Variants in PDE1A observed in about 807,000 individuals in gnomAD.
PDE1A encodes phosphodiesterase 1A, also known as dual specificity calcium/calmodulin-dependent 3',5'-cyclic nucleotide phosphodiesterase 1A.
PDE1A carries 35 observed loss-of-function variants against 61.7 expected under a neutral mutation model. The ratio of observed to expected loss-of-function variants is 0.57; its 90% CI spans 0.43 to 0.75. The LOEUF (loss-of-function observed/expected upper bound fraction) is 0.75. PDE1A is among the 30% of genes least tolerant of loss of function. The pLI is 0.00. For synonymous variants in PDE1A, 232 were observed against 213.2 expected (o/e 1.09, Z -0.77); for missense variants, 597 against 630.6 (o/e 0.95, Z 0.57).
chr2:182,602,052 C>T, the PDE1A span, among the ~76,000 whole-genome samples: 56,946 of 152,172 alleles, frequency 0.37, 10,884 homozygotes, highest in African/African-American at 0.46. Flanking sequence ...AATCTGCCTG[C>T]CTCCTGCTGC....
chr2:182,185,872 G>C lies in PDE1A; in HGVS notation c.1516+20C>G, dbSNP rs1413349019. The C allele has an allele frequency of 6.2e-7, 1 of 1,613,290 alleles. No individual in the cohort carries two copies. Among genetic ancestry groups the C allele is most frequent in the African/African-American group, 1.3e-5 (1 of 75,020 alleles). ...TGAAGACAGAGAGAGATGGCAGTAAGGCCTCATAAACAACACTACCTTGTG... is the reference window on the plus strand; with the variant it reads ...TGAAGACAGAGAGAGATGGCAGTAACGCCTCATAAACAACACTACCTTGTG... On this transcript the variant is annotated intron_variant, in intron 13 of 13. Transcript: ENST00000351439.
intron 2 of PDE1A, among the ~76,000 whole-genome samples, chr2:182,513,731 C>T (rs1406549850): frequency 6.6e-6 from 1 of 152,030 alleles, no homozygotes; most frequent in Non-Finnish European, 1.5e-5. Context: ...ACCATAGGCT[C>T]AAAGTAAAGG....
chr2:182,423,756 G>A (rs1045813035), intron 1 of PDE1A, among the ~76,000 whole-genome samples: 2 of 151,978 alleles, frequency 1.3e-5, no homozygotes, highest in Non-Finnish European at 2.9e-5. Context: ...GGGCACATAA[G>A]TATTTTTCTC....
intron 1 of PDE1A, among the ~76,000 whole-genome samples, chr2:182,415,589 A>G (rs186715802): frequency 6.6e-6 from 1 of 152,304 alleles, no homozygotes; most frequent in East Asian, 1.9e-4. Flanking sequence ...TCTTCTGTTT[A>G]GAAACACTTT....
the PDE1A span, among the ~76,000 whole-genome samples, chr2:182,711,547 C>G: frequency 6.6e-6 from 1 of 151,334 alleles, no homozygotes; most frequent in African/African-American, 2.4e-5. Context: ...CTGGAAGCAA[C>G]AGCAGCCCCA....
At chr2:182,474,118 G>A (rs932586908) in intron 2 of PDE1A, among the ~76,000 whole-genome samples, 5 of 151,692 alleles carry the variant, frequency 3.3e-5, no homozygotes, top group Non-Finnish European at 7.4e-5. Context: ...GTATATAAGC[G>A]TTCTTTAAAT....
chr2:182,457,646 T>A (rs962514440), intron 2 of PDE1A, among the ~76,000 whole-genome samples: 2 of 152,004 alleles, frequency 1.3e-5, no homozygotes, highest in African/African-American at 4.8e-5. Context: ...CTGGCAAACC[T>A]CAAAATAGAA....
intron 1 of PDE1A, among the ~76,000 whole-genome samples, chr2:182,271,744 T>C (rs1693041549): frequency 6.6e-6 from 1 of 152,148 alleles, no homozygotes; most frequent in South Asian, 2.1e-4. Flanking sequence ...AATTTTTATA[T>C]TGTTCAAAAA....
At chr2:182,435,854 GC>G in intron 2 of PDE1A, among the ~76,000 whole-genome samples, 1 of 152,144 alleles carries the variant, frequency 6.6e-6, no homozygotes, top group South Asian at 2.1e-4. Context: ...GTCTGCTTAA[GC>G]TTTCAGTAAT....
intron 1 of PDE1A, among the ~76,000 whole-genome samples, chr2:182,329,642 C>T (rs1697273472): frequency 6.6e-6 from 1 of 152,160 alleles, no homozygotes. Context: ...CCACTGGCCT[C>T]AGCCTCCCAA....
the PDE1A span, among the ~76,000 whole-genome samples, chr2:182,637,670 C>T: frequency 2.6e-5 from 4 of 152,128 alleles, no homozygotes; most frequent in Admixed American, 2.0e-4. Context: ...ACCCGTAATT[C>T]CTGCACTTTG....
the PDE1A span, among the ~76,000 whole-genome samples, chr2:182,644,014 CT>C: frequency 6.6e-6 from 1 of 151,574 alleles, no homozygotes; most frequent in Non-Finnish European, 1.5e-5. Flanking sequence ...TAAGTTTTCC[CT>C]TTTTTTAATT....
At chr2:182,507,988 G>A (rs1559525438) in intron 2 of PDE1A, among the ~76,000 whole-genome samples, 1 of 152,008 alleles carries the variant, frequency 6.6e-6, no homozygotes, top group Admixed American at 6.6e-5. Flanking sequence ...GAAATAAACA[G>A]AAGAAAGACT....
the PDE1A span, among the ~76,000 whole-genome samples, chr2:182,651,257 T>C: frequency 6.6e-6 from 1 of 152,192 alleles, no homozygotes; most frequent in Non-Finnish European, 1.5e-5. Context: ...TCCACCCGCC[T>C]TGGCCTCCCA....
chr2:182,665,582 C>T, the PDE1A span, among the ~76,000 whole-genome samples: 1 of 152,022 alleles, frequency 6.6e-6, no homozygotes, highest in African/African-American at 2.4e-5. Flanking sequence ...GCTTGTGAGG[C>T]TGTGGAGAAA....
the PDE1A span, among the ~76,000 whole-genome samples, chr2:182,593,566 G>C: frequency 1.3e-5 from 2 of 152,182 alleles, no homozygotes; most frequent in Non-Finnish European, 2.9e-5. Flanking sequence ...ACCCGTGGGA[G>C]GGAATTTGTG....
At chr2:182,624,764 A>G in the PDE1A span, among the ~76,000 whole-genome samples, 3 of 152,286 alleles carry the variant, frequency 2.0e-5, no homozygotes, top group East Asian at 1.9e-4. Context: ...CACGTGTCCT[A>G]ATTGCCCTGG....
At chr2:182,482,467 A>T (rs532622009) in intron 2 of PDE1A, among the ~76,000 whole-genome samples, 4 of 152,086 alleles carry the variant, frequency 2.6e-5, no homozygotes, top group African/African-American at 9.6e-5. Context: ...AATGTTAGAG[A>T]CTTCTGACCA....
At chr2:182,443,360 T>C (rs1452756264) in intron 2 of PDE1A, among the ~76,000 whole-genome samples, 1 of 152,096 alleles carries the variant, frequency 6.6e-6, no homozygotes, top group African/African-American at 2.4e-5. Context: ...TAATATAGTC[T>C]GGCTATGATA....
Sources: gnomAD v4.1 joint callset for allele counts (sites outside exome capture counted in the v4.1 genomes callset) on GRCh38, gnomAD v4.1.1 for gene constraint, MANE v1.5 for transcripts, NCBI Gene and HGNC (gene_info 2026-07-23, HGNC 2026-07-21) for gene names.